TMPRSS13: variants seen among roughly 807,000 people sequenced by gnomAD.
TMPRSS13 encodes the protein transmembrane serine protease 13.
Under a neutral mutation model 68.4 loss-of-function variants are expected in TMPRSS13, and 50 were observed. That is an observed-to-expected ratio of 0.73 (90% CI 0.58 to 0.93). The LOEUF (loss-of-function observed/expected upper bound fraction) is 0.93. Ranked by LOEUF, TMPRSS13 falls within the 40% of genes least tolerant of loss-of-function variation. TMPRSS13 has a pLI of 0.00. For missense variants in TMPRSS13, 615 were observed against 729.2 expected (o/e 0.84, Z 1.80); for synonymous variants, 267 against 285.8 (o/e 0.93, Z 0.66).
chr11:117,918,480 A>T lies in TMPRSS13; in HGVS notation c.380T>A (p.Val127Glu). The change falls in exon 2 of 13, where the codon GTG (valine) becomes GAG (glutamate). Residue 127 changes from valine (V) to glutamate (E), a missense_variant. Transcript: ENST00000524993. ...TRVYLVRATP[V>E]GAVPIRSSPA... Reference sequence around the variant, plus strand: ...AGATGATCGGATGGGTACAGCCCCCACTGGTGTTGCTCTAACAAGGTACAC... The same window carrying T: ...AGATGATCGGATGGGTACAGCCCCCTCTGGTGTTGCTCTAACAAGGTACAC... 1 of 1,614,102 alleles carries T rather than the reference A, an allele frequency of 6.2e-7. No homozygotes were observed. Among genetic ancestry groups the T allele is most frequent in the Non-Finnish European group, 8.5e-7 (1 of 1,180,004 alleles).
At chr11:117,905,575 G>A (rs1037439350) in intron 10 of TMPRSS13, 63 bp downstream of exon 10, 52 of 1,375,904 alleles carry the variant, frequency 3.8e-5, no homozygotes, top group Non-Finnish European at 4.9e-5. Context: ...GCTTACACAC[G>A]CACATGTATA....
chr11:117,911,876 G>A lies in TMPRSS13; in HGVS notation c.810-16C>T. On this transcript the variant is annotated splice_polypyrimidine_tract_variant and intron_variant, in intron 5 of 12. Coordinates refer to ENST00000524993, the MANE Select transcript of TMPRSS13 (RefSeq NM_001077263.3). ...CCGGTGAGCACTACAAGGGAGCAGAGGGGAGAAGAATGAGCCCCCTGGAGA... is the reference window on the plus strand; with the variant it reads ...CCGGTGAGCACTACAAGGGAGCAGAAGGGAGAAGAATGAGCCCCCTGGAGA... The A allele has an allele frequency of 1.2e-6, 2 of 1,609,950 alleles. No individual in the cohort carries two copies. Among genetic ancestry groups the A allele is most frequent in the Non-Finnish European group, 1.7e-6 (2 of 1,176,662 alleles).
chr11:117,903,831 C>T (rs774640299), intron 11 of TMPRSS13, 24 bp from the exon 12 acceptor site: 56 of 1,606,832 alleles, frequency 3.5e-5, no homozygotes, highest in Non-Finnish European at 4.3e-5. Context: ...GGGGCACATT[C>T]GCAGGATGGG....
chr11:117,914,443 G>C lies in TMPRSS13; in HGVS notation c.628C>G (p.Arg210Gly), dbSNP rs368268142. 6.2e-7 allele frequency: 1 copy of C among 1,614,038 alleles called. No homozygotes were observed. Among genetic ancestry groups the C allele is most frequent in the Non-Finnish European group, 8.5e-7 (1 of 1,180,026 alleles). The change falls in exon 4 of 13, where the codon CGC becomes GGC. Residue 210 changes from arginine to glycine, a missense_variant. Transcript: ENST00000524993. The surrounding 1 kb of genome is among the most constrained non-coding windows in gnomAD (Gnocchi z 4.2). ...TTGCAGTCCACCACCCCGTCACAGC[G>C]AACAGCGTGCTTGGGACAGCTCTCC... Reference protein sequence around the residue: ...QRESCPKHAVRCDGVVDCKLK... With the variant: ...QRESCPKHAVGCDGVVDCKLK...
chr11:117,911,548 C>T (rs1355326983), intron 6 of TMPRSS13, among the ~76,000 whole-genome samples: 5 of 152,224 alleles, frequency 3.3e-5, no homozygotes, highest in African/African-American at 7.2e-5. Flanking sequence ...CACCCCTGGT[C>T]TCCAGTTGTC....
At chr11:117,929,251 G>C in intron 1 of TMPRSS13, 36 bp downstream of exon 1, 1 of 1,589,410 alleles carries the variant, frequency 6.3e-7, no homozygotes, top group Non-Finnish European at 8.6e-7. Flanking sequence ...CCTCAGCGCT[G>C]GGAGAATCTG....
At chr11:117,910,627 C>A in intron 7 of TMPRSS13, 80 bp downstream of exon 7, 1 of 1,424,022 alleles carries the variant, frequency 7.0e-7, no homozygotes, top group South Asian at 1.3e-5. Context: ...GTGCCAAACA[C>A]CTCCCTTGGA....
In TMPRSS13 at chr11:117,911,868, G is replaced by A. The variant is rs375641864; in HGVS notation, c.810-8C>T. On this transcript the variant is annotated splice_region_variant and splice_polypyrimidine_tract_variant and intron_variant, in intron 5 of 12. Coordinates refer to ENST00000524993, the MANE Select transcript of TMPRSS13 (RefSeq NM_001077263.3). ...TCGGTTGTCCGGTGAGCACTACAAG[G>A]GAGCAGAGGGGAGAAGAATGAGCCC... is the stretch of plus-strand genomic sequence containing the variant. 2.2e-5 allele frequency: 36 copies of A among 1,611,478 alleles called. No homozygotes were observed. The highest frequency in any genetic ancestry group is 3.1e-5 in the Non-Finnish European group (36 of 1,178,060).
At chr11:117,921,982 G>C (rs1436850097) in intron 1 of TMPRSS13, among the ~76,000 whole-genome samples, 2 of 152,202 alleles carry the variant, frequency 1.3e-5, no homozygotes, top group African/African-American at 4.8e-5. Flanking sequence ...ATCAAGAAGA[G>C]TTCTCATCTT....
intron 9 of TMPRSS13, among the ~76,000 whole-genome samples, chr11:117,906,135 C>T (rs12798929): frequency 0.39 from 59,799 of 152,158 alleles, 12,758 homozygotes; most frequent in Non-Finnish European, 0.47. Context: ...AGGCTAAGAC[C>T]CAGATATTAT....
In TMPRSS13 at chr11:117,909,961, T is replaced by C. The variant is rs1185624400; in HGVS notation, c.954A>G (p.Gly318=). 1 of 1,613,880 alleles carries C rather than the reference T, an allele frequency of 6.2e-7. No homozygotes were observed. Among genetic ancestry groups the C allele is most frequent in the Admixed American group, 1.7e-5 (1 of 60,024 alleles). Reference sequence around the variant, plus strand: ...CGATCCGCCCGGTCATGGCCCTCAGTCCGCAGTCTGGAGGGAAGGAGTAGA... The same window carrying C: ...CGATCCGCCCGGTCATGGCCCTCAGCCCGCAGTCTGGAGGGAAGGAGTAGA... ...RYISLQCSHC[G]LRAMTGRIVG... The change falls in exon 8 of 13, where the codon GGA becomes GGG. Residue 318 remains glycine, a synonymous_variant. Transcript: ENST00000524993.
At chr11:117,929,204 TA>T in intron 1 of TMPRSS13, 82 bp downstream of exon 1, 1 of 1,201,906 alleles carries the variant, frequency 8.3e-7, no homozygotes, top group Non-Finnish European at 1.1e-6. Flanking sequence ...AACACAGAGG[TA>T]GCTGTCCCAC....
At chr11:117,921,675 G>T (rs1044505943) in intron 1 of TMPRSS13, among the ~76,000 whole-genome samples, 4 of 152,198 alleles carry the variant, frequency 2.6e-5, no homozygotes, top group Non-Finnish European at 5.9e-5. Context: ...TCCGAAAGTG[G>T]GATGGAGTCT....
chr11:117,907,490 A>T (rs2134881301), intron 9 of TMPRSS13: 1 of 152,348 alleles, frequency 6.6e-6, no homozygotes, highest in South Asian at 2.1e-4. Flanking sequence ...GTGCGAGGAA[A>T]CACCAGCTCA....
In TMPRSS13 at chr11:117,922,522, C is replaced by T. The variant is rs925447805; in HGVS notation, c.22-3684G>A. ...GGATTACAGGCGTGAGCCACCGCGCCCAGCCGAGACTTCTTATCCAAGGTC... is the reference window on the plus strand; with the variant it reads ...GGATTACAGGCGTGAGCCACCGCGCTCAGCCGAGACTTCTTATCCAAGGTC... On this transcript the variant is annotated intron_variant, in intron 1 of 12. Coordinates refer to ENST00000524993, the MANE Select transcript of TMPRSS13 (RefSeq NM_001077263.3). This position sits in a 1 kb window ranked among gnomAD's most constrained non-coding sequence, Gnocchi z 4.2. Among the ~76,000 whole-genome samples the T allele has an allele frequency of 2.6e-5, 4 of 152,068 alleles. No homozygotes were observed. The highest frequency in any genetic ancestry group is 1.5e-5 in the Non-Finnish European group (1 of 67,996).
rs1408202178 is a variant in TMPRSS13, at chr11:117,902,179, A to T, written c.*60T>A. ...AGCCCAGATGATGCCACACATGGCC[A>T]GTCACCATGGCCAGAGTCTTCACAG... On this transcript the variant is annotated 3_prime_UTR_variant, in exon 13 of 13. Coordinates refer to ENST00000524993, the MANE Select transcript of TMPRSS13 (RefSeq NM_001077263.3). 1 of 1,605,792 alleles carries T rather than the reference A, an allele frequency of 6.2e-7. No individual in the cohort carries two copies. Among genetic ancestry groups the T allele is most frequent in the Non-Finnish European group, 8.5e-7 (1 of 1,174,184 alleles).
chr11:117,903,444 G>A (rs772097929), intron 12 of TMPRSS13: 33 of 1,536,584 alleles, frequency 2.1e-5, no homozygotes, highest in African/African-American at 9.6e-5. Context: ...TTTTCAACCC[G>A]CTGAGCTCTG....
chr11:117,920,302 G>A (rs2057630064), intron 1 of TMPRSS13, among the ~76,000 whole-genome samples: 1 of 151,578 alleles, frequency 6.6e-6, no homozygotes, highest in South Asian at 2.1e-4. Context: ...TGAGGGTGTG[G>A]TGAGCCGTGT....
rs1188096299 is a variant in TMPRSS13 at position 117,901,510 on chromosome 11, AG to A, written c.*728del. On this transcript the variant is annotated 3_prime_UTR_variant, in exon 13 of 13. Transcript: ENST00000524993. ...TGGGGGTCTTGGGCTGATTGATGCCAGCTGTCAAGGCTTCTGGACTTTTTGG... is the reference window on the plus strand; with the variant it reads ...TGGGGGTCTTGGGCTGATTGATGCCACTGTCAAGGCTTCTGGACTTTTTGG... The A allele has an allele frequency of 6.6e-6, 1 of 152,380 alleles. No homozygotes were observed. Among genetic ancestry groups the A allele is most frequent in the Non-Finnish European group, 1.5e-5 (1 of 68,038 alleles). 9.4% of individuals were successfully genotyped at this position (152,380 alleles called of 1,614,324 possible).
Sources: gnomAD v4.1 joint callset for allele counts (sites outside exome capture counted in the v4.1 genomes callset) on GRCh38, gnomAD v4.1.1 for gene constraint, Gnocchi (gnomAD v3.1) non-coding constraint, MANE v1.5 for transcripts, NCBI Gene and HGNC (gene_info 2026-07-23, HGNC 2026-07-21) for gene names.